DOCK3: variants seen among roughly 807,000 people sequenced by gnomAD.
The protein encoded by DOCK3 is dedicator of cytokinesis protein 3.
DOCK3 carries 60 observed loss-of-function variants against 265.6 expected under a neutral mutation model. The observed-to-expected ratio is 0.23, with a 90% CI of 0.18 to 0.28. DOCK3 has a LOEUF of 0.28. Ranked by LOEUF, DOCK3 falls within the 10% of genes least tolerant of loss-of-function variation. The pLI, the probability that DOCK3 is intolerant of heterozygous loss-of-function variation, is 1.00. For synonymous variants in DOCK3, 881 were observed against 938.0 expected (o/e 0.94, Z 1.11); for missense variants, 1,981 against 2,594.3 (o/e 0.76, Z 5.14).
At chr3:50,828,348 T>C (rs2044901746) in intron 2 of DOCK3, among the ~76,000 whole-genome samples, 1 of 152,150 alleles carries the variant, frequency 6.6e-6, no homozygotes. Flanking sequence ...GCAACTATGG[T>C]CTATATTTTA....
intron 1 of DOCK3, among the ~76,000 whole-genome samples, chr3:50,731,409 A>G (rs2038200804): frequency 6.6e-6 from 1 of 152,218 alleles, no homozygotes; most frequent in Non-Finnish European, 1.5e-5. Flanking sequence ...TGATGTGTCA[A>G]CGTAGGCTCA....
chr3:50,760,008 A>G (rs2040426398), intron 1 of DOCK3, among the ~76,000 whole-genome samples: 1 of 150,502 alleles, frequency 6.6e-6, no homozygotes, highest in Admixed American at 6.6e-5. Flanking sequence ...CAAGTTTTAA[A>G]TTTTGATGAA....
Position 51,160,711 on chromosome 3 carries a change from T to C in DOCK3, c.1037+9T>C. On this transcript the variant is annotated intron_variant, in intron 12 of 52. Transcript: ENST00000266037. ...GTTCTTAAGGTTTACACGTGAGTAA[T>C]GGACATCAGGAATATTAATGATTTG... 1 of 1,609,888 alleles carries C rather than the reference T, an allele frequency of 6.2e-7. No individual in the cohort carries two copies. Among genetic ancestry groups the C allele is most frequent in the Admixed American group, 1.7e-5 (1 of 59,438 alleles).
chr3:51,360,802 A>G (rs553672158), intron 47 of DOCK3, among the ~76,000 whole-genome samples, 170 bp downstream of exon 47: 167 of 152,330 alleles, frequency 1.1e-3, no homozygotes, highest in African/African-American at 4.0e-3. Flanking sequence ...GTCAGTCACT[A>G]TCCTGGGTAA....
At chr3:51,087,378 CA>C (rs2082465435) in intron 7 of DOCK3, among the ~76,000 whole-genome samples, 1 of 152,130 alleles carries the variant, frequency 6.6e-6, no homozygotes, top group African/African-American at 2.4e-5. Context: ...GAATGAAGGA[CA>C]AAAACAATAT....
rs531233217 is a variant in DOCK3, at chr3:51,338,265, T to C, written c.3612-94T>C. On this transcript the variant is annotated intron_variant, in intron 35 of 52. Transcript: ENST00000266037. ...GTTGGAGGCCATCTCAATCTGGGAT[T>C]TGGTCATACTAATGCCCCAGTGATA... 1.1e-4 allele frequency: 146 copies of C among 1,382,948 alleles called. No homozygotes were observed. In the South Asian group the frequency reaches 1.8e-3, roughly 17 times the overall value. 85.7% of individuals were successfully genotyped at this position (1,382,948 alleles called of 1,614,324 possible). A position where few individuals can be genotyped will look rare whatever the true frequency, so the allele number is the denominator to read the frequency against.
rs1227065716 is a variant in DOCK3, at chr3:51,319,413, A to C, written c.3402+4285A>C. ...ACACTTGATAAAAAAAAAAAAAAAA[A>C]CCCAGTTACCAAGAAGTGGATGACA... On this transcript the variant is annotated intron_variant, in intron 32 of 52. Coordinates refer to ENST00000266037, the MANE Select transcript of DOCK3 (RefSeq NM_004947.5). 2.8e-4 allele frequency among the ~76,000 whole-genome samples: 38 copies of C among 135,076 alleles called. 1 individual carries two copies. The East Asian group carries it at 4.0e-3, about 14-fold the overall frequency. 88.6% of individuals were successfully genotyped at this position (135,076 alleles called of 152,430 possible).
chr3:51,219,972 C>T (rs764105360), intron 14 of DOCK3, among the ~76,000 whole-genome samples: 1 of 152,178 alleles, frequency 6.6e-6, no homozygotes, highest in Non-Finnish European at 1.5e-5. Flanking sequence ...GAGCAAAGAG[C>T]ATCACTGACT....
At chr3:50,744,660 C>T (rs1251541584) in intron 1 of DOCK3, among the ~76,000 whole-genome samples, 1 of 152,138 alleles carries the variant, frequency 6.6e-6, no homozygotes, top group African/African-American at 2.4e-5. Flanking sequence ...GTCTTGAACT[C>T]CTGGGCTCAA....
intron 2 of DOCK3, among the ~76,000 whole-genome samples, chr3:50,804,260 C>A (rs959661403): frequency 1.3e-5 from 2 of 151,648 alleles, no homozygotes; most frequent in Non-Finnish European, 2.9e-5. Context: ...CCAGACTGGG[C>A]GGCCAGGCAG....
At chr3:50,806,104 C>A (rs900934115) in intron 2 of DOCK3, among the ~76,000 whole-genome samples, 1 of 151,802 alleles carries the variant, frequency 6.6e-6, no homozygotes, top group Admixed American at 6.6e-5. Context: ...GGCCTGGGAG[C>A]ATGCCTGCTA....
At chr3:51,378,796 CA>C (rs1277838856) in intron 51 of DOCK3, among the ~76,000 whole-genome samples, 3 of 152,202 alleles carry the variant, frequency 2.0e-5, no homozygotes, top group Admixed American at 2.0e-4. Flanking sequence ...AGTATTCTGG[CA>C]GTGGACTCCT....
At chr3:50,788,279 G>A (rs922582618) in intron 2 of DOCK3, 18 of 492,390 alleles carry the variant, frequency 3.7e-5, no homozygotes, top group Middle Eastern at 6.6e-4. Flanking sequence ...GTGGCTGTGT[G>A]CCTCATTGGT....
intron 1 of DOCK3, among the ~76,000 whole-genome samples, chr3:50,760,921 A>G (rs1429808079): frequency 6.6e-6 from 1 of 151,898 alleles, no homozygotes; most frequent in African/African-American, 2.4e-5. Context: ...AGCTGGGACT[A>G]CAGGCGCCTG....
intron 18 of DOCK3, 48 bp from the exon 19 acceptor site, chr3:51,229,463 AG>A (rs778925143): frequency 2.2e-5 from 30 of 1,353,060 alleles, no homozygotes; most frequent in South Asian, 1.5e-4. Flanking sequence ...AAAAAAAAAA[AG>A]AATATCCAGG....
intron 21 of DOCK3, among the ~76,000 whole-genome samples, chr3:51,239,580 T>G (rs1367227259): frequency 3.3e-5 from 5 of 150,684 alleles, no homozygotes; most frequent in South Asian, 2.1e-4. Flanking sequence ...GTTTGTTTTT[T>G]GTTTTTTTTG....
chr3:50,787,244 C>T (rs1193829865), intron 2 of DOCK3: 1 of 544,016 alleles, frequency 1.8e-6, no homozygotes, highest in Non-Finnish European at 3.4e-6. Flanking sequence ...TCTCCAGACA[C>T]CAGTGAGCAT....
intron 33 of DOCK3, among the ~76,000 whole-genome samples, chr3:51,332,011 A>G (rs951376174): frequency 1.3e-5 from 2 of 152,186 alleles, no homozygotes; most frequent in African/African-American, 4.8e-5. Context: ...AACAGGAGTC[A>G]CCTGGAAAAC....
chr3:51,205,238 A>G (rs2089118690), intron 12 of DOCK3, among the ~76,000 whole-genome samples: 1 of 152,092 alleles, frequency 6.6e-6, no homozygotes, highest in African/African-American at 2.4e-5. Flanking sequence ...TCACCACAGT[A>G]TGAGGTTTAA....
Sources: allele counts gnomAD v4.1 joint callset (sites outside exome capture counted in the v4.1 genomes callset), GRCh38; gene constraint gnomAD v4.1.1; transcripts MANE v1.5; gene names NCBI Gene and HGNC (gene_info 2026-07-23, HGNC 2026-07-21).